DNAH14: variants seen among roughly 807,000 people sequenced by gnomAD.
DNAH14 encodes axonemal beta dynein heavy chain 14.
DNAH14 carries 478 observed loss-of-function variants against 520.9 expected under a neutral mutation model. The observed-to-expected ratio is 0.92, with a 90% CI of 0.85 to 0.99. The LOEUF (loss-of-function observed/expected upper bound fraction) is 0.99. Among genes scored for constraint, DNAH14 ranks in the 50% least tolerant of loss-of-function variants. DNAH14 has a pLI of 0.00. For synonymous variants in DNAH14, 1,581 were observed against 1,757.2 expected (o/e 0.90, Z 2.51); for missense variants, 4,831 against 5,234.5 (o/e 0.92, Z 2.38).
chr1:225,351,647 G>T lies in DNAH14; in HGVS notation c.11297G>T (p.Ser3766Ile). 1 of 1,534,470 alleles carries T rather than the reference G, an allele frequency of 6.5e-7. No individual in the cohort carries two copies. The highest frequency in any genetic ancestry group is 2.1e-5 in the Admixed American group (1 of 48,356). The change falls in exon 72 of 86, where the codon AGC (serine) becomes ATC (isoleucine). Residue 3766 changes from serine (S) to isoleucine (I), a missense_variant and splice_region_variant. Coordinates refer to ENST00000682510, the MANE Select transcript of DNAH14 (RefSeq NM_001367479.1). The part of the protein sequence containing the change: ...KSALSQSRLT[S>I]TFEIGESQHL... ...GTGATCATCTTTCTTTTTTTATCAG[G>T]CACATTTGAAATAGGTGAAAGTCAA...
At chr1:225,226,088 C>CTTCTTA (rs1432027051) in intron 41 of DNAH14, among the ~76,000 whole-genome samples, 14 of 152,094 alleles carry the variant, frequency 9.2e-5, no homozygotes, top group Admixed American at 9.2e-4. Context: ...GGTAATAAAC[C>CTTCTTA]TTCTTATTCT....
intron 41 of DNAH14, among the ~76,000 whole-genome samples, chr1:225,223,770 A>G (rs2090281100): frequency 6.6e-6 from 1 of 152,286 alleles, no homozygotes; most frequent in African/African-American, 2.4e-5. Flanking sequence ...CAGCTCACCA[A>G]CTTCATTGGA....
At chr1:225,376,295 A>T (rs140732414) in intron 78 of DNAH14, among the ~76,000 whole-genome samples, 4 of 152,008 alleles carry the variant, frequency 2.6e-5, no homozygotes, top group Middle Eastern at 3.4e-3. Flanking sequence ...GCCATGGTGG[A>T]TCATGCCTGT....
At chr1:225,282,489 G>A (rs75591208) in intron 54 of DNAH14, among the ~76,000 whole-genome samples, 6,290 of 152,260 alleles carry the variant, frequency 0.041, 432 homozygotes, top group African/African-American at 0.14. Context: ...AGAAGGCCCC[G>A]AGGCAAGTAT....
At chr1:225,130,323 A>G (rs1475618469) in intron 27 of DNAH14, among the ~76,000 whole-genome samples, 2 of 152,158 alleles carry the variant, frequency 1.3e-5, no homozygotes, top group Admixed American at 6.5e-5. Flanking sequence ...TACTGGGTAT[A>G]TACCCAAAGG....
intron 60 of DNAH14, among the ~76,000 whole-genome samples, chr1:225,308,621 C>A (rs1431688320): frequency 6.6e-6 from 1 of 152,084 alleles, no homozygotes; most frequent in Non-Finnish European, 1.5e-5. Flanking sequence ...ATGCATGGTC[C>A]CTGTCCTTGA....
chr1:225,394,841 C>CAA, intron 84 of DNAH14, among the ~76,000 whole-genome samples: 1 of 122,464 alleles, frequency 8.2e-6, no homozygotes. Context: ...GAGACTCTGT[C>CAA]TAAAAAAAAA....
chr1:225,130,115 T>G (rs182274152), intron 27 of DNAH14, among the ~76,000 whole-genome samples: 171 of 152,156 alleles, frequency 1.1e-3, no homozygotes, highest in African/African-American at 4.0e-3. Context: ...AAAACCACAA[T>G]GAGATACCAT....
chr1:225,194,841 A>G (rs1559251472), intron 38 of DNAH14, among the ~76,000 whole-genome samples: 1 of 151,946 alleles, frequency 6.6e-6, no homozygotes, highest in Non-Finnish European at 1.5e-5. Flanking sequence ...CCCCACTAAA[A>G]AGTGGGCAAA....
chr1:225,199,371 C>T (rs543358623), intron 38 of DNAH14, among the ~76,000 whole-genome samples: 14 of 151,542 alleles, frequency 9.2e-5, no homozygotes, highest in Non-Finnish European at 1.3e-4. Context: ...TTTCTTTCTT[C>T]TGCTAGATTT....
At position 225,153,782 on chromosome 1, in the gene DNAH14, G is replaced by A; in HGVS notation, c.5229G>A (p.Lys1743=). The change falls in exon 34 of 86, where the codon AAG becomes AAA. Residue 1743 remains lysine (K), a synonymous_variant. Coordinates refer to ENST00000682510, the MANE Select transcript of DNAH14 (RefSeq NM_001367479.1). ...ATAATTTTGGCTTGAGATCTCTGAA[G>A]ATAGTTTTAATAATGGCTGGAACGA... is the stretch of plus-strand genomic sequence containing the variant. ...DHYNFGLRSL[K]IVLIMAGTKK... 1 of 1,549,742 alleles carries A rather than the reference G, an allele frequency of 6.5e-7. No homozygotes were observed. Among genetic ancestry groups the A allele is most frequent in the Non-Finnish European group, 8.7e-7 (1 of 1,145,876 alleles).
intron 54 of DNAH14, among the ~76,000 whole-genome samples, chr1:225,286,591 A>T (rs1558269605): frequency 6.6e-6 from 1 of 152,220 alleles, no homozygotes; most frequent in East Asian, 1.9e-4. Context: ...ACTGACAAGG[A>T]TACAGAGCAA....
rs1475950727 is a variant in DNAH14 at position 225,335,709 on chromosome 1, GTATA to G, written c.10081-1554_10081-1551del. 4.5e-4 allele frequency among the ~76,000 whole-genome samples: 37 copies of G among 82,988 alleles called. 8 individuals are homozygous for G. The highest frequency in any genetic ancestry group is 1.5e-3 in the African/African-American group (27 of 17,682). 54.4% of individuals were successfully genotyped at this position (82,988 alleles called of 152,430 possible). A position where few individuals can be genotyped will look rare whatever the true frequency, so the allele number is the denominator to read the frequency against. ...CGCATATATACATATGTGCATATATGTATATACGCATATATACATATGTGCATAT... is the reference window on the plus strand; with the variant it reads ...CGCATATATACATATGTGCATATATGTACGCATATATACATATGTGCATAT... On this transcript the variant is annotated intron_variant, in intron 66 of 85. Coordinates refer to ENST00000682510, the MANE Select transcript of DNAH14 (RefSeq NM_001367479.1).
At chr1:225,394,996 C>A (rs2095986393) in intron 84 of DNAH14, among the ~76,000 whole-genome samples, 1 of 152,138 alleles carries the variant, frequency 6.6e-6, no homozygotes, top group East Asian at 1.9e-4. Flanking sequence ...TCAAATAATT[C>A]TACATGCCTG....
At chr1:224,986,129 A>G (rs1363617629) in intron 8 of DNAH14, among the ~76,000 whole-genome samples, 3 of 150,296 alleles carry the variant, frequency 2.0e-5, no homozygotes, top group Non-Finnish European at 3.0e-5. Flanking sequence ...CAAAGCTGTA[A>G]TAAAAAAAAG....
intron 2 of DNAH14, chr1:224,953,072 C>A: frequency 4.7e-6 from 1 of 214,142 alleles, no homozygotes. Flanking sequence ...CCTAGGAAAG[C>A]AAAAGGTATC....
chr1:225,256,214 C>T (rs1208530057), intron 44 of DNAH14, among the ~76,000 whole-genome samples: 4 of 152,022 alleles, frequency 2.6e-5, no homozygotes, highest in African/African-American at 9.7e-5. Context: ...AAATAATCTT[C>T]CACACATATA....
rs535292684 is a variant in DNAH14, at chr1:225,213,868, C to T, written c.6439+6648C>T. Among the ~76,000 whole-genome samples, 182 of 152,292 alleles carry T rather than the reference C, an allele frequency of 1.2e-3. 4 individuals carry two copies. Among genetic ancestry groups the T allele is most frequent in the Admixed American group, 0.011 (166 of 15,304 alleles). ...TCATCTGCAAACAGGGATAATTTGA[C>T]TTCCTCTTTTCCTAATTGAATACCC... On this transcript the variant is annotated intron_variant, in intron 41 of 85. Transcript: ENST00000682510.
intron 8 of DNAH14, among the ~76,000 whole-genome samples, chr1:224,983,487 C>G (rs896087813): frequency 5.3e-5 from 8 of 152,086 alleles, no homozygotes; most frequent in Non-Finnish European, 1.0e-4. Context: ...AGAACGGGAA[C>G]AAGACAAGGA....
Sources: gnomAD v4.1 joint callset for allele counts (sites outside exome capture counted in the v4.1 genomes callset) on GRCh38, gnomAD v4.1.1 for gene constraint, MANE v1.5 for transcripts, NCBI Gene and HGNC (gene_info 2026-07-23, HGNC 2026-07-21) for gene names.